GUCY1A2: variants seen among roughly 807,000 people sequenced by gnomAD.
GUCY1A2 encodes guanylate cyclase soluble subunit alpha-2.
Under a neutral mutation model 63.5 loss-of-function variants are expected in GUCY1A2, and 27 were observed. That is an observed-to-expected ratio of 0.43 (90% CI 0.31 to 0.59). GUCY1A2 has a LOEUF of 0.59. Among genes scored for constraint, GUCY1A2 ranks in the 20% least tolerant of loss-of-function variants. The probability of loss-of-function intolerance (pLI) is 0.11; values close to 1 mark genes in which losing one functional copy is unlikely to be tolerated. For synonymous variants in GUCY1A2, 364 were observed against 343.5 expected, an observed-to-expected ratio of 1.06 and a Z score of -0.66; for missense variants, 768 against 913.3, an observed-to-expected ratio of 0.84 and a Z score of 2.05.
At chr11:106,757,475 C>T (rs535196478) in intron 6 of GUCY1A2, among the ~76,000 whole-genome samples, 7 of 152,276 alleles carry the variant, frequency 4.6e-5, no homozygotes, top group South Asian at 4.1e-4. Context: ...GGTTTCTCCC[C>T]GTCTTTGTGG....
chr11:106,785,159 G>A (rs930529008), intron 5 of GUCY1A2, among the ~76,000 whole-genome samples: 1 of 152,134 alleles, frequency 6.6e-6, no homozygotes, highest in Admixed American at 6.5e-5. Context: ...TAACGGAGAC[G>A]ATGGATTGAA....
chr11:106,701,921 A>C (rs1464202277), intron 7 of GUCY1A2, among the ~76,000 whole-genome samples: 2 of 152,136 alleles, frequency 1.3e-5, no homozygotes, highest in African/African-American at 4.8e-5. Context: ...GTCAGCTAAA[A>C]AATTTAAAAA....
intron 1 of GUCY1A2, among the ~76,000 whole-genome samples, chr11:107,011,083 A>T (rs1565359330): frequency 6.6e-6 from 1 of 152,196 alleles, no homozygotes; most frequent in African/African-American, 2.4e-5. Flanking sequence ...GTTAAACATA[A>T]GAATATCAAG....
At chr11:106,888,759 T>C (rs2135476597) in intron 4 of GUCY1A2, among the ~76,000 whole-genome samples, 1 of 152,342 alleles carries the variant, frequency 6.6e-6, no homozygotes, top group Non-Finnish European at 1.5e-5. Context: ...GCTCCACTGC[T>C]ATACTTCCTT....
intron 4 of GUCY1A2, chr11:106,827,093 G>C: frequency 6.7e-7 from 1 of 1,494,526 alleles, no homozygotes. Flanking sequence ...TCATCCTGAA[G>C]GTAGATTTTC....
intron 4 of GUCY1A2, chr11:106,936,530 A>G (rs1860679188): frequency 1.8e-6 from 1 of 544,664 alleles, no homozygotes; most frequent in Admixed American, 3.3e-5. Context: ...AATGAGGAAA[A>G]AGAAAATAGG....
chr11:106,726,021 G>T (rs2135367513), intron 6 of GUCY1A2, among the ~76,000 whole-genome samples: 1 of 152,212 alleles, frequency 6.6e-6, no homozygotes, highest in East Asian at 1.9e-4. Flanking sequence ...AACTGTAAGG[G>T]CTTTTAACAG....
chr11:106,799,996 A>G (rs10047492), intron 5 of GUCY1A2, among the ~76,000 whole-genome samples: 48,294 of 152,072 alleles, frequency 0.32, 8,524 homozygotes, highest in Admixed American at 0.45. Context: ...TACTCATCTG[A>G]CAAAGGGCTA....
intron 2 of GUCY1A2, among the ~76,000 whole-genome samples, chr11:106,983,919 T>C (rs759462218): frequency 9.9e-5 from 15 of 152,230 alleles, no homozygotes; most frequent in Non-Finnish European, 1.9e-4. Flanking sequence ...AAATTGTATT[T>C]TCTTAAGAGG....
chr11:106,840,466 G>A (rs1219828368), intron 4 of GUCY1A2, among the ~76,000 whole-genome samples: 1 of 151,890 alleles, frequency 6.6e-6, no homozygotes, highest in Non-Finnish European at 1.5e-5. Context: ...AATACATATT[G>A]GTTGTGATTT....
intron 4 of GUCY1A2, among the ~76,000 whole-genome samples, chr11:106,878,504 T>C (rs1285711232): frequency 1.3e-5 from 2 of 152,086 alleles, no homozygotes; most frequent in Admixed American, 6.6e-5. Context: ...GAGGTCATTA[T>C]ACTTAACAAA....
intron 4 of GUCY1A2, among the ~76,000 whole-genome samples, chr11:106,811,534 T>G (rs912030417): frequency 6.6e-6 from 1 of 152,130 alleles, no homozygotes; most frequent in Non-Finnish European, 1.5e-5. Flanking sequence ...GTTTTCTTTA[T>G]AGCTAAATAG....
chr11:106,677,971 C>T lies in GUCY1A2; in HGVS notation c.*9578G>A, dbSNP rs753138667. The T allele has an allele frequency of 3.0e-5, 6 of 202,462 alleles. No homozygotes were observed. Among genetic ancestry groups the T allele is most frequent in the African/African-American group, 4.6e-5 (2 of 43,568 alleles). 12.5% of individuals were successfully genotyped at this position (202,462 alleles called of 1,614,324 possible). A position where few individuals can be genotyped will look rare whatever the true frequency, so the allele number is the denominator to read the frequency against. ...GATCAAATGAAAAAGCAATGAGCACCTATTATTTCAGGTCATTGAGTTATA... is the reference window on the plus strand; with the variant it reads ...GATCAAATGAAAAAGCAATGAGCACTTATTATTTCAGGTCATTGAGTTATA... On this transcript the variant is annotated 3_prime_UTR_variant, in exon 8 of 8. Transcript: ENST00000526355.
intron 3 of GUCY1A2, among the ~76,000 whole-genome samples, chr11:106,959,642 G>T (rs1861035009): frequency 1.3e-5 from 2 of 152,164 alleles, no homozygotes; most frequent in African/African-American, 4.8e-5. Flanking sequence ...TAGTTCATTT[G>T]GAAAGTGGGG....
At chr11:106,989,143 T>G (rs1320413421) in intron 1 of GUCY1A2, among the ~76,000 whole-genome samples, 1 of 152,200 alleles carries the variant, frequency 6.6e-6, no homozygotes, top group African/African-American at 2.4e-5. Context: ...TGGCTCCTAC[T>G]TAAGAGAACC....
chr11:106,821,389 A>G (rs2135430549), intron 4 of GUCY1A2, among the ~76,000 whole-genome samples: 1 of 152,304 alleles, frequency 6.6e-6, no homozygotes, highest in South Asian at 2.1e-4. Context: ...CATACACACA[A>G]TCAGTAAATC....
At position 106,756,534 on chromosome 11, in the gene GUCY1A2, C is replaced by G. The variant is rs189086004; in HGVS notation, c.1836+19905G>C. Among the ~76,000 whole-genome samples, 826 of 152,244 alleles carry G rather than the reference C, an allele frequency of 5.4e-3. 14 individuals are homozygous for G. The highest frequency in any genetic ancestry group is 0.019 in the African/African-American group (775 of 41,532). On this transcript the variant is annotated intron_variant, in intron 6 of 7. Transcript: ENST00000526355. Reference sequence around the variant, plus strand: ...GCTTCCTTCAGGAGCTCTTGTAAGGCAGGCCTGGTGGTGACAAAATCTCTC... The same window carrying G: ...GCTTCCTTCAGGAGCTCTTGTAAGGGAGGCCTGGTGGTGACAAAATCTCTC...
At chr11:106,986,189 TGTGA>T (rs1371489128) in intron 1 of GUCY1A2, 58 bp from the exon 2 acceptor site, 11 of 858,904 alleles carry the variant, frequency 1.3e-5, no homozygotes, top group South Asian at 2.8e-5. Flanking sequence ...CCATTCCCAC[TGTGA>T]GTATCGTAGG....
chr11:106,933,402 T>C (rs577635517), intron 4 of GUCY1A2, among the ~76,000 whole-genome samples: 1 of 152,090 alleles, frequency 6.6e-6, no homozygotes, highest in Admixed American at 6.5e-5. Context: ...TGAGATACCA[T>C]CTCACACCAG....
Sources: gnomAD v4.1 joint callset for allele counts (sites outside exome capture counted in the v4.1 genomes callset) on GRCh38, gnomAD v4.1.1 for gene constraint, MANE v1.5 for transcripts, NCBI Gene and HGNC (gene_info 2026-07-23, HGNC 2026-07-21) for gene names.